Variants in USP3 observed in about 807,000 individuals in gnomAD.
USP3 encodes ubiquitin specific peptidase 3, also known as ubiquitin carboxyl-terminal hydrolase 3.
In USP3, 20 loss-of-function variants were observed where a neutral mutation model predicts 72.3. The ratio of observed to expected loss-of-function variants is 0.28; its 90% CI spans 0.19 to 0.40. The LOEUF (loss-of-function observed/expected upper bound fraction) is 0.40. Among genes scored for constraint, USP3 ranks in the 10% least tolerant of loss-of-function variants. The probability of loss-of-function intolerance (pLI) is 1.00; values close to 1 mark genes in which losing one functional copy is unlikely to be tolerated. For synonymous variants in USP3, 222 were observed against 225.3 expected, an observed-to-expected ratio of 0.99 and a Z score of 0.13; for missense variants, 479 against 633.9, an observed-to-expected ratio of 0.76 and a Z score of 2.62.
At chr15:63,510,447 A>G (rs1180799408) in intron 1 of USP3, among the ~76,000 whole-genome samples, 1 of 152,170 alleles carries the variant, frequency 6.6e-6, no homozygotes, top group Non-Finnish European at 1.5e-5. Flanking sequence ...TCTCTGACCT[A>G]CATACATACA....
chr15:63,592,885 T>G lies in USP3; in HGVS notation c.*2059T>G, dbSNP rs2067230755. The G allele has an allele frequency of 6.6e-6, 1 of 152,180 alleles. No homozygotes were observed. The highest frequency in any genetic ancestry group is 2.4e-5 in the African/African-American group (1 of 41,448). The allele number at this position is 152,180 out of a possible 1,614,324, so 9.4% of individuals were successfully genotyped here. A position where few individuals can be genotyped will look rare whatever the true frequency, so the allele number is the denominator to read the frequency against. ...TAATATTAACTGGATAAATCCCACA[T>G]CTTCCCAGAACACATCTGCTAAACA... On this transcript the variant is annotated 3_prime_UTR_variant, in exon 15 of 15. Coordinates refer to ENST00000380324, the MANE Select transcript of USP3 (RefSeq NM_006537.4).
rs1263192514 is a variant in USP3, at chr15:63,529,783, A to G, written c.92-2864A>G. On this transcript the variant is annotated intron_variant, in intron 1 of 14. Coordinates refer to ENST00000380324, the MANE Select transcript of USP3 (RefSeq NM_006537.4). This position sits in a 1 kb window ranked among gnomAD's most constrained non-coding sequence, Gnocchi z 4.2. ...CTGCTCCAGATTTCTTTTTCCTCGTACAAAGGAGGGACAAAAATCCTCCAT... is the reference window on the plus strand; with the variant it reads ...CTGCTCCAGATTTCTTTTTCCTCGTGCAAAGGAGGGACAAAAATCCTCCAT... Among the ~76,000 whole-genome samples the G allele has an allele frequency of 1.3e-5, 2 of 152,252 alleles. No individual in the cohort carries two copies. The highest frequency in any genetic ancestry group is 1.5e-5 in the Non-Finnish European group (1 of 68,042).
chr15:63,521,932 C>T (rs2065925538), intron 1 of USP3, among the ~76,000 whole-genome samples: 1 of 152,212 alleles, frequency 6.6e-6, no homozygotes, highest in South Asian at 2.1e-4. Flanking sequence ...GATGCTGCTG[C>T]TGGTCTCCTC....
chr15:63,515,237 CA>C (rs2065836066), intron 1 of USP3, among the ~76,000 whole-genome samples: 1 of 152,102 alleles, frequency 6.6e-6, no homozygotes, highest in African/African-American at 2.4e-5. Flanking sequence ...TGTTTTTCAC[CA>C]AAATAGGTCT....
chr15:63,547,866 T>TAGAGAG lies in USP3; in HGVS notation c.285-5824_285-5819dup, dbSNP rs112905081. Reference sequence around the variant, plus strand: ...GGAGGGAGAGAGAGAGAGAGAGGCATAGAGAGAGAGAGAGAGAGAGAGAGA... The same window carrying TAGAGAG: ...GGAGGGAGAGAGAGAGAGAGAGGCATAGAGAGAGAGAGAGAGAGAGAGAGAGAGAGA... On this transcript the variant is annotated intron_variant, in intron 3 of 14. Transcript: ENST00000380324. Among the ~76,000 whole-genome samples, 33 of 20,872 alleles carry TAGAGAG rather than the reference T, an allele frequency of 1.6e-3. No homozygotes were observed. The East Asian group carries it at 0.025, about 16-fold the overall frequency. The allele number at this position is 20,872 out of a possible 152,430, so 13.7% of individuals were successfully genotyped here.
chr15:63,558,825 A>T (rs1360697923), intron 6 of USP3, among the ~76,000 whole-genome samples: 2 of 152,202 alleles, frequency 1.3e-5, no homozygotes, highest in East Asian at 3.8e-4. Flanking sequence ...CAGTGAGCCA[A>T]GATGGCGCCA....
chr15:63,525,620 T>C (rs1371227165), intron 1 of USP3, among the ~76,000 whole-genome samples: 1 of 152,214 alleles, frequency 6.6e-6, no homozygotes, highest in Non-Finnish European at 1.5e-5. Context: ...TTCAAGGGAC[T>C]CAAGTTATAG....
At chr15:63,511,625 T>C (rs2065783680) in intron 1 of USP3, among the ~76,000 whole-genome samples, 1 of 152,194 alleles carries the variant, frequency 6.6e-6, no homozygotes. Flanking sequence ...CTCCTCACTA[T>C]AGCTATGGAT....
chr15:63,512,311 T>TTCCTCC (rs2065796128), intron 1 of USP3, among the ~76,000 whole-genome samples: 1 of 140,950 alleles, frequency 7.1e-6, no homozygotes, highest in Non-Finnish European at 1.5e-5. Flanking sequence ...CCTCCTCTTC[T>TTCCTCC]TCTTCTTCCT....
In USP3 at chr15:63,511,925, A is replaced by G. The variant is rs192583650; in HGVS notation, c.91+7095A>G. Among the ~76,000 whole-genome samples the G allele has an allele frequency of 2.6e-4, 40 of 150,998 alleles. No homozygotes were observed. The East Asian group carries it at 4.1e-3, about 15-fold the overall frequency. On this transcript the variant is annotated intron_variant, in intron 1 of 14. Coordinates refer to ENST00000380324, the MANE Select transcript of USP3 (RefSeq NM_006537.4). ...CTGTAAAAGTTATAGTCTTTAGACC[A>G]TAAAAACTAAAACTAGTAACTGCAG...
chr15:63,566,303 C>CTT (rs1011143008), intron 8 of USP3, among the ~76,000 whole-genome samples: 1 of 139,482 alleles, frequency 7.2e-6, no homozygotes, highest in African/African-American at 2.6e-5. Flanking sequence ...GCCTGTGATG[C>CTT]TTTTTTTTTT....
chr15:63,564,076 C>G (rs1037019388), intron 8 of USP3, among the ~76,000 whole-genome samples: 3 of 152,164 alleles, frequency 2.0e-5, no homozygotes, highest in African/African-American at 7.2e-5. Flanking sequence ...TTACCACTGT[C>G]CAGGTCTGGA....
intron 1 of USP3, among the ~76,000 whole-genome samples, chr15:63,530,042 T>A (rs1035210012): frequency 9.2e-5 from 14 of 151,960 alleles, no homozygotes; most frequent in African/African-American, 3.1e-4. Flanking sequence ...GAGGCTGAGG[T>A]GGGAGGATCA....
intron 5 of USP3, chr15:63,557,008 C>T (rs2066521904): frequency 3.8e-6 from 1 of 263,400 alleles, no homozygotes; most frequent in Admixed American, 5.1e-5. Context: ...TTAATACTTG[C>T]TCACACTCCT....
rs192436068 is a variant in USP3 at position 63,577,226 on chromosome 15, T to G, written c.1096+2823T>G. ...AGATCGAAGAATCCTAAATAAAGTA[T>G]TAGCAAATACAACTCAGCAGTGTAC... is the stretch of plus-strand genomic sequence containing the variant. On this transcript the variant is annotated intron_variant, in intron 11 of 14. Coordinates refer to ENST00000380324, the MANE Select transcript of USP3 (RefSeq NM_006537.4). Among the ~76,000 whole-genome samples, 6 of 152,346 alleles carry G rather than the reference T, an allele frequency of 3.9e-5. No homozygotes were observed. The East Asian group carries it at 1.2e-3, about 29-fold the overall frequency.
intron 1 of USP3, among the ~76,000 whole-genome samples, chr15:63,521,143 C>CT (rs57191228): frequency 0.46 from 62,730 of 137,228 alleles, 14,841 homozygotes; most frequent in Non-Finnish European, 0.55. Flanking sequence ...TTCTTTTGGA[C>CT]TTTTTTTTTT....
In USP3 at chr15:63,532,517, C is replaced by G. The variant is rs190074333; in HGVS notation, c.92-130C>G. The G allele has an allele frequency of 3.8e-6, 4 of 1,052,318 alleles. No individual in the cohort carries two copies. In the African/African-American group the frequency reaches 4.7e-5, roughly 12 times the overall value. 65.2% of individuals were successfully genotyped at this position (1,052,318 alleles called of 1,614,324 possible). ...CAGCCATTTTGTGTAAATGCATTCA[C>G]AAAGCACGGATTTGCAACTTCAGCA... On this transcript the variant is annotated intron_variant, in intron 1 of 14. Coordinates refer to ENST00000380324, the MANE Select transcript of USP3 (RefSeq NM_006537.4).
chr15:63,547,158 C>G (rs2066341672), intron 3 of USP3, among the ~76,000 whole-genome samples: 1 of 152,220 alleles, frequency 6.6e-6, no homozygotes, highest in African/African-American at 2.4e-5. Flanking sequence ...TACTAATCCT[C>G]TGCCACGTTG....
chr15:63,519,120 G>A (rs2065886825), intron 1 of USP3, among the ~76,000 whole-genome samples: 1 of 152,116 alleles, frequency 6.6e-6, no homozygotes, highest in East Asian at 1.9e-4. Context: ...AGTTGATACT[G>A]ATAGAATGCT....
Sources: gnomAD v4.1 joint callset for allele counts (sites outside exome capture counted in the v4.1 genomes callset) on GRCh38, gnomAD v4.1.1 for gene constraint, Gnocchi (gnomAD v3.1) non-coding constraint, MANE v1.5 for transcripts, NCBI Gene and HGNC (gene_info 2026-07-23, HGNC 2026-07-21) for gene names.